MTMR11: variants seen among roughly 807,000 people sequenced by gnomAD.
The protein encoded by MTMR11 is myotubularin related protein 11.
A neutral mutation model predicts 100.0 loss-of-function variants in MTMR11; 89 were observed. The ratio of observed to expected loss-of-function variants is 0.89; its 90% CI spans 0.75 to 1.06. The LOEUF (loss-of-function observed/expected upper bound fraction) is 1.06. Among genes scored for constraint, MTMR11 ranks in the 50% least tolerant of loss-of-function variants. The pLI is 0.00. For synonymous variants in MTMR11, 336 were observed against 326.3 expected, an observed-to-expected ratio of 1.03 and a Z score of -0.32; for missense variants, 809 against 873.7, an observed-to-expected ratio of 0.93 and a Z score of 0.93.
chr1:149,934,024 G>A lies in MTMR11; in HGVS notation c.684-82C>T, dbSNP rs149139884. On this transcript the variant is annotated intron_variant, in intron 7 of 16. Transcript: ENST00000439741. ...CTCTTATTACAAGGAAGCTGCTTCA[G>A]AGGGACCATTCCAAGGGATTTCAGG... is the stretch of plus-strand genomic sequence containing the variant. 2.2e-4 allele frequency: 337 copies of A among 1,545,662 alleles called. 2 individuals carry two copies. The East Asian group carries it at 6.0e-3, about 27-fold the overall frequency.
In MTMR11 at chr1:149,934,245, G is replaced by C; in HGVS notation, c.629C>G (p.Ala210Gly). The change falls in exon 7 of 17, where the codon GCA (alanine) becomes GGA (glycine). Residue 210 changes from alanine (A) to glycine (G), a missense_variant. By Grantham distance (60) the Ala-to-Gly change is moderately conservative. Transcript: ENST00000439741. ...CGTGCTGACCCTCCAGCCTCTGGCTGCCTGCTTCTTCCGCTCAGTCTCCCA... is the reference window on the plus strand; with the variant it reads ...CGTGCTGACCCTCCAGCCTCTGGCTCCCTGCTTCTTCCGCTCAGTCTCCCA... ...EDWETERKKQAARGWRVSTVN... is the reference protein window; with the variant it reads ...EDWETERKKQGARGWRVSTVN... The C allele has an allele frequency of 6.2e-7, 1 of 1,614,204 alleles. No homozygotes were observed. The highest frequency in any genetic ancestry group is 8.5e-7 in the Non-Finnish European group (1 of 1,180,040).
intron 5 of MTMR11, among the ~76,000 whole-genome samples, chr1:149,934,727 G>A (rs1374509471): frequency 6.6e-6 from 1 of 152,214 alleles, no homozygotes; most frequent in Non-Finnish European, 1.5e-5. Context: ...CTAGAATGAT[G>A]ATTCTGGGAG....
In MTMR11 at chr1:149,929,094, A is replaced by AC; in HGVS notation, c.*34_*35insG. On this transcript the variant is annotated 3_prime_UTR_variant, in exon 17 of 17. Transcript: ENST00000439741. Reference sequence around the variant, plus strand: ...AAGCTGAGGCTGCAAGTGCAGATACAAAAAAAAAAAAAAAAGATTAGACAG... The same window carrying AC: ...AAGCTGAGGCTGCAAGTGCAGATACACAAAAAAAAAAAAAAAGATTAGACAG... 1 of 175,836 alleles carries AC rather than the reference A, an allele frequency of 5.7e-6. No individual in the cohort carries two copies. The highest frequency in any genetic ancestry group is 1.5e-4 in the South Asian group (1 of 6,694). 10.9% of individuals were successfully genotyped at this position (175,836 alleles called of 1,614,324 possible).
At position 149,935,091 on chromosome 1, in the gene MTMR11, C is replaced by A. The variant is rs369523375; in HGVS notation, c.363G>T (p.Gly121=). ...GLSRVQLLRP[G]SLHKFIPEEI... ...CCTCAGGGATAAATTTATGCAGGGA[C>A]CCTGGACGGAGGAGCTGGACTCGGG... Residue 121 remains glycine, a synonymous_variant, in exon 5 of 17, where the codon GGG becomes GGT. Transcript: ENST00000439741. 1.2e-6 allele frequency: 2 copies of A among 1,614,172 alleles called. No individual in the cohort carries two copies.
intron 13 of MTMR11, 52 bp downstream of exon 13, chr1:149,931,208 T>C: frequency 6.2e-7 from 1 of 1,607,838 alleles, no homozygotes; most frequent in Non-Finnish European, 8.5e-7. Flanking sequence ...AATTTCTCAT[T>C]CTCTTACTTC....
chr1:149,936,028 G>T, intron 2 of MTMR11, 126 bp downstream of exon 2: 1 of 1,045,848 alleles, frequency 9.6e-7, no homozygotes, highest in Non-Finnish European at 1.5e-6. Flanking sequence ...AGGGAGGACA[G>T]CGAGCCTCAG....
chr1:149,930,455 A>C lies in MTMR11; in HGVS notation c.1557T>G (p.Asp519Glu). The change falls in exon 15 of 17, where the codon GAT becomes GAG. Residue 519 changes from aspartate (D) to glutamate (E), a missense_variant. By Grantham distance (45) the Asp-to-Glu change is conservative. Transcript: ENST00000439741. ...GTATCTGTGCATTGCTATAACGTAA[A>C]TCCCAGTCCCAGACAGACAGCTGCA... ...FNLQLSVWDW[D>E]LRYSNAQILQ... The C allele has an allele frequency of 6.2e-7, 1 of 1,614,068 alleles. No homozygotes were observed. The highest frequency in any genetic ancestry group is 8.5e-7 in the Non-Finnish European group (1 of 1,179,964).
chr1:149,929,502 G>C, intron 16 of MTMR11, 121 bp downstream of exon 16: 1 of 1,293,112 alleles, frequency 7.7e-7, no homozygotes, highest in Non-Finnish European at 1.1e-6. Flanking sequence ...ATGCCAAGAG[G>C]AGTAGAACTT....
intron 2 of MTMR11, 120 bp downstream of exon 2, chr1:149,936,015 GTCAGGGAGGACAGCGAGCC>G: frequency 1.0e-6 from 1 of 965,690 alleles, no homozygotes; most frequent in Non-Finnish European, 1.7e-6. Flanking sequence ...TCTAGAGGCT[GTCAGGGAGGACAGCGAGCC>G]TCAGGCAGAC....
At position 149,929,156 on chromosome 1, in the gene MTMR11, T is replaced by G. The variant is rs1559801476; in HGVS notation, c.2103A>C (p.Lys701Asn). 2.5e-6 allele frequency: 4 copies of G among 1,613,930 alleles called. No individual in the cohort carries two copies. Among genetic ancestry groups the G allele is most frequent in the African/African-American group, 1.3e-5 (1 of 75,012 alleles). ...LNPTEIAGIL[K>N]GRAEGDLG ...ACCCCAGATCCCCCTCTGCCCTGCC[T>G]TTGAGAATGCCAGCAATTTCAGTGG... Residue 701 changes from lysine to asparagine, a missense_variant, in exon 17 of 17, where the codon AAA (lysine) becomes AAC (asparagine). Transcript: ENST00000439741.
intron 3 of MTMR11, 97 bp downstream of exon 3, chr1:149,935,487 A>C: frequency 6.3e-7 from 1 of 1,579,454 alleles, no homozygotes; most frequent in Non-Finnish European, 8.7e-7. Context: ...GATACATTCA[A>C]AAGACAGCCC....
intron 13 of MTMR11, 77 bp from the exon 14 acceptor site, chr1:149,931,042 G>A (rs2092653067): frequency 7.0e-7 from 1 of 1,426,730 alleles, no homozygotes; most frequent in South Asian, 1.4e-5. Context: ...AGGGAATGGG[G>A]AACACAGGGA....
In MTMR11 at chr1:149,936,032, G is replaced by A. The variant is rs2092716924; in HGVS notation, c.142+122C>T. ...TAGAGGCTGTCAGGGAGGACAGCGA[G>A]CCTCAGGCAGACGTACTTCGAGCCA... On this transcript the variant is annotated intron_variant, in intron 2 of 16. Transcript: ENST00000439741. 5 of 1,072,360 alleles carry A rather than the reference G, an allele frequency of 4.7e-6. No individual in the cohort carries two copies. The Admixed American group carries it at 8.7e-5, about 19-fold the overall frequency. 66.4% of individuals were successfully genotyped at this position (1,072,360 alleles called of 1,614,324 possible). A position where few individuals can be genotyped will look rare whatever the true frequency, so the allele number is the denominator to read the frequency against.
chr1:149,933,557 G>A (rs2092687049), intron 9 of MTMR11, 27 bp from the exon 10 acceptor site: 3 of 1,613,898 alleles, frequency 1.9e-6, no homozygotes, highest in Non-Finnish European at 2.5e-6. Context: ...CAGGAAATAA[G>A]GAGTCTACCC....
chr1:149,936,321 C>T, intron 1 of MTMR11, 92 bp from the exon 2 acceptor site: 1 of 1,557,498 alleles, frequency 6.4e-7, no homozygotes, highest in South Asian at 1.2e-5. Context: ...TACACTCACA[C>T]TCTCGGGGGA....
chr1:149,934,539 G>A lies in MTMR11; in HGVS notation c.469-13C>T. ...TGGCCATGGTCACCTGCAGAGGAAA[G>A]GACATTCCATCCTTTTGGCTTAGGC... On this transcript the variant is annotated splice_polypyrimidine_tract_variant and intron_variant, in intron 5 of 16. Coordinates refer to ENST00000439741, the MANE Select transcript of MTMR11 (RefSeq NM_001145862.2). 2.5e-6 allele frequency: 4 copies of A among 1,613,174 alleles called. No homozygotes were observed. Among genetic ancestry groups the A allele is most frequent in the South Asian group, 2.2e-5 (2 of 91,044 alleles).
Position 149,929,049 on chromosome 1 carries a change from A to G in MTMR11, c.*80T>C. ...GCAGAAACTCAGACCTTCTTAGTGAACTTAAGGGCTGAAGTGTGAAAGCTG... is the reference window on the plus strand; with the variant it reads ...GCAGAAACTCAGACCTTCTTAGTGAGCTTAAGGGCTGAAGTGTGAAAGCTG... On this transcript the variant is annotated 3_prime_UTR_variant, in exon 17 of 17. Coordinates refer to ENST00000439741, the MANE Select transcript of MTMR11 (RefSeq NM_001145862.2). The G allele has an allele frequency of 6.3e-7, 1 of 1,586,298 alleles. No individual in the cohort carries two copies. The highest frequency in any genetic ancestry group is 8.6e-7 in the Non-Finnish European group (1 of 1,166,506).
rs782639630 is a variant in MTMR11, at chr1:149,930,810, G to A, written c.1446C>T (p.Arg482=). Residue 482 remains arginine (R), a synonymous_variant, in exon 14 of 17, where the codon CGC becomes CGT. Coordinates refer to ENST00000439741, the MANE Select transcript of MTMR11 (RefSeq NM_001145862.2). ...LTFLRNTPWE[R]GKQSGQLNSY... is the part of the protein sequence containing the mutation. ...CACTGACCTGTCCGCTCTGCTTTCC[G>A]CGCTCCCAGGGGGTATTTCTCAGGA... 6.2e-5 allele frequency: 98 copies of A among 1,576,900 alleles called. No homozygotes were observed. Among genetic ancestry groups the A allele is most frequent in the Middle Eastern group, 1.8e-4 (1 of 5,692 alleles).
Position 149,930,848 on chromosome 1 carries a change from C to G in MTMR11, c.1408G>C (p.Asp470His). The G allele has an allele frequency of 6.2e-7, 1 of 1,610,900 alleles. No individual in the cohort carries two copies. Among genetic ancestry groups the G allele is most frequent in the Non-Finnish European group, 8.5e-7 (1 of 1,178,926 alleles). ...LALHDSVRVPDTLTFLRNTPW... is the reference protein window; with the variant it reads ...LALHDSVRVPHTLTFLRNTPW... ...GTATTTCTCAGGAAGGTAAGGGTGT[C>G]AGGAACCCTGACACTGTCATGAAGA... Residue 470 changes from aspartate (D) to histidine (H), a missense_variant, in exon 14 of 17, where the codon GAC (aspartate) becomes CAC (histidine). Coordinates refer to ENST00000439741, the MANE Select transcript of MTMR11 (RefSeq NM_001145862.2).
Sources: gnomAD v4.1 joint callset for allele counts (sites outside exome capture counted in the v4.1 genomes callset) on GRCh38, gnomAD v4.1.1 for gene constraint, MANE v1.5 for transcripts, NCBI Gene and HGNC (gene_info 2026-07-23, HGNC 2026-07-21) for gene names.